Variants in GPR137C observed in about 807,000 individuals in gnomAD.
GPR137C encodes G protein-coupled receptor 137C, also known as integral membrane protein GPR137C.
GPR137C carries 27 observed loss-of-function variants against 43.4 expected under a neutral mutation model. That is an observed-to-expected ratio of 0.62 (90% CI 0.46 to 0.86). The LOEUF (loss-of-function observed/expected upper bound fraction) is 0.86, where lower values mean the gene tolerates loss of function less well. Ranked by LOEUF, GPR137C falls within the 40% of genes least tolerant of loss-of-function variation. The probability of loss-of-function intolerance (pLI) is 0.00; values close to 1 mark genes in which losing one functional copy is unlikely to be tolerated. For missense variants in GPR137C, 522 were observed against 534.6 expected (o/e 0.98, Z 0.23); for synonymous variants, 285 against 226.9 (o/e 1.26, Z -2.30).
intron 1 of GPR137C, among the ~76,000 whole-genome samples, chr14:52,586,360 G>A (rs1039461526): frequency 1.8e-4 from 28 of 152,144 alleles, no homozygotes; most frequent in African/African-American, 6.8e-4. Context: ...TGCTTCTGTT[G>A]TCTTACTTCC....
chr14:52,571,524 A>G (rs1316975444), intron 1 of GPR137C, among the ~76,000 whole-genome samples: 1 of 151,978 alleles, frequency 6.6e-6, no homozygotes, highest in African/African-American at 2.4e-5. Flanking sequence ...AATATAAACA[A>G]TTAGCTGGGT....
At chr14:52,621,547 A>G (rs1305923929) in intron 3 of GPR137C, among the ~76,000 whole-genome samples, 1 of 151,850 alleles carries the variant, frequency 6.6e-6, no homozygotes, top group Non-Finnish European at 1.5e-5. Context: ...GATTATGCAA[A>G]ACAAAAATCA....
chr14:52,637,591 G>A lies in GPR137C; in HGVS notation c.*2476G>A, dbSNP rs1050399940. The A allele has an allele frequency of 1.3e-5, 2 of 152,054 alleles. No homozygotes were observed. The highest frequency in any genetic ancestry group is 2.4e-5 in the African/African-American group (1 of 41,412). 9.4% of individuals were successfully genotyped at this position (152,054 alleles called of 1,614,324 possible). On this transcript the variant is annotated 3_prime_UTR_variant, in exon 7 of 7. Coordinates refer to ENST00000321662, the MANE Select transcript of GPR137C (RefSeq NM_001099652.2). ...TTTTATTGTTTAACAGTGTTTCTCAGCTATATAATCAGTTTCAAACTGGTT... is the reference window on the plus strand; with the variant it reads ...TTTTATTGTTTAACAGTGTTTCTCAACTATATAATCAGTTTCAAACTGGTT...
At chr14:52,555,877 A>C (rs2038184738) in intron 1 of GPR137C, among the ~76,000 whole-genome samples, 1 of 152,182 alleles carries the variant, frequency 6.6e-6, no homozygotes. Flanking sequence ...GAGATATCTT[A>C]ACCAGAAATC....
intron 3 of GPR137C, among the ~76,000 whole-genome samples, chr14:52,606,185 T>C (rs2038981712): frequency 6.6e-6 from 1 of 152,204 alleles, no homozygotes; most frequent in Admixed American, 6.5e-5. Context: ...GTGCTTTTTC[T>C]TTGTTGGGGG....
intron 3 of GPR137C, among the ~76,000 whole-genome samples, chr14:52,601,446 A>G (rs915246773): frequency 2.6e-5 from 4 of 151,822 alleles, no homozygotes; most frequent in South Asian, 4.2e-4. Flanking sequence ...TACTTTTTAA[A>G]TATATTTCAG....
intron 3 of GPR137C, among the ~76,000 whole-genome samples, chr14:52,627,391 T>C (rs577839487): frequency 1.3e-3 from 199 of 152,204 alleles, no homozygotes; most frequent in African/African-American, 4.6e-3. Context: ...AAATCCTGTC[T>C]CAAAGATAAG....
At chr14:52,602,240 T>C (rs966092497) in intron 3 of GPR137C, among the ~76,000 whole-genome samples, 1 of 151,978 alleles carries the variant, frequency 6.6e-6, no homozygotes, top group Non-Finnish European at 1.5e-5. Flanking sequence ...TGTACAATAA[T>C]AGTCATTCCT....
chr14:52,561,930 G>T (rs1054614863), intron 1 of GPR137C, among the ~76,000 whole-genome samples: 1 of 152,088 alleles, frequency 6.6e-6, no homozygotes, highest in Non-Finnish European at 1.5e-5. Flanking sequence ...TCAAAACTCA[G>T]AATTGTACAC....
chr14:52,604,767 C>A (rs1187840060), intron 3 of GPR137C, among the ~76,000 whole-genome samples: 1 of 152,022 alleles, frequency 6.6e-6, no homozygotes, highest in Non-Finnish European at 1.5e-5. Context: ...CTGTTTAATT[C>A]CTCTGCATAT....
intron 1 of GPR137C, among the ~76,000 whole-genome samples, chr14:52,593,455 G>A (rs542850794): frequency 8.5e-5 from 13 of 152,212 alleles, no homozygotes; most frequent in African/African-American, 2.6e-4. Flanking sequence ...GAATCCATCT[G>A]GTCCTGGACG....
chr14:52,553,839 T>TA (rs1209522932), intron 1 of GPR137C, among the ~76,000 whole-genome samples: 1 of 151,728 alleles, frequency 6.6e-6, no homozygotes, highest in African/African-American at 2.4e-5. Context: ...TCTGACAACT[T>TA]AAAACAGCAA....
chr14:52,576,905 A>G (rs966398176), intron 1 of GPR137C, among the ~76,000 whole-genome samples: 2 of 152,138 alleles, frequency 1.3e-5, no homozygotes, highest in Non-Finnish European at 2.9e-5. Context: ...TACTATGTAA[A>G]TAGGCTGGGC....
chr14:52,621,658 A>G (rs1047083435), intron 3 of GPR137C, among the ~76,000 whole-genome samples: 14 of 151,880 alleles, frequency 9.2e-5, no homozygotes, highest in African/African-American at 3.4e-4. Context: ...ATGGATCTAT[A>G]CAGTTGCAAA....
chr14:52,557,876 C>T (rs1414900196), intron 1 of GPR137C, among the ~76,000 whole-genome samples: 1 of 152,186 alleles, frequency 6.6e-6, no homozygotes, highest in Non-Finnish European at 1.5e-5. Context: ...TACATCACTT[C>T]TTTAATAGTG....
At chr14:52,596,295 G>T (rs1386565127) in intron 1 of GPR137C, among the ~76,000 whole-genome samples, 2 of 152,238 alleles carry the variant, frequency 1.3e-5, no homozygotes, top group African/African-American at 4.8e-5. Context: ...ACTTGAGGAG[G>T]CAGTCTGTCC....
chr14:52,584,953 A>G (rs2038693944), intron 1 of GPR137C, among the ~76,000 whole-genome samples: 1 of 152,098 alleles, frequency 6.6e-6, no homozygotes, highest in Non-Finnish European at 1.5e-5. Flanking sequence ...AACCTTGCTA[A>G]TTATATCCAC....
intron 1 of GPR137C, among the ~76,000 whole-genome samples, chr14:52,590,668 G>C (rs1049375925): frequency 1.3e-5 from 2 of 152,064 alleles, no homozygotes; most frequent in African/African-American, 4.8e-5. Flanking sequence ...TGTTATACTT[G>C]CACATAGCAT....
rs140999079 is a variant in GPR137C at position 52,624,399 on chromosome 14, A to C, written c.718-7761A>C. Among the ~76,000 whole-genome samples the C allele has an allele frequency of 2.1e-3, 318 of 152,236 alleles. 2 individuals carry two copies. The highest frequency in any genetic ancestry group is 6.8e-3 in the African/African-American group (281 of 41,558). On this transcript the variant is annotated intron_variant, in intron 3 of 6. Coordinates refer to ENST00000321662, the MANE Select transcript of GPR137C (RefSeq NM_001099652.2). ...GAGTGACTCAAGTTTCTCCCTTAGA[A>C]ATGGTAGTGGGAGTGTGTGGAGTAG...
Sources: gnomAD v4.1 joint callset for allele counts (sites outside exome capture counted in the v4.1 genomes callset) on GRCh38, gnomAD v4.1.1 for gene constraint, MANE v1.5 for transcripts, NCBI Gene and HGNC (gene_info 2026-07-23, HGNC 2026-07-21) for gene names.